The following GALNT2 variants were observed in gnomAD, a reference collection of about 807,000 sequenced individuals.
GALNT2 encodes the protein polypeptide N-acetylgalactosaminyltransferase 2, also known as UDP-GalNAc:polypeptide N-acetylgalactosaminyltransferase 2.
In GALNT2, 31 loss-of-function variants were observed where a neutral mutation model predicts 81.4. The observed-to-expected ratio is 0.38, with a 90% CI of 0.29 to 0.51. The LOEUF (loss-of-function observed/expected upper bound fraction) is 0.51, where lower values mean the gene tolerates loss of function less well. Among genes scored for constraint, GALNT2 ranks in the 20% least tolerant of loss-of-function variants. GALNT2 has a pLI of 0.87. For missense variants in GALNT2, 629 were observed against 765.7 expected (o/e 0.82, Z 2.11); for synonymous variants, 303 against 287.4 (o/e 1.05, Z -0.55).
rs1028277396 is a variant in GALNT2 at position 230,168,666 on chromosome 1, G to A, written c.127-9552G>A. Among the ~76,000 whole-genome samples the A allele has an allele frequency of 4.6e-5, 7 of 152,130 alleles. No individual in the cohort carries two copies. In the East Asian group the frequency reaches 7.7e-4, roughly 17 times the overall value. On this transcript the variant is annotated intron_variant, in intron 1 of 15. Coordinates refer to ENST00000366672, the MANE Select transcript of GALNT2 (RefSeq NM_004481.5). ...TCCCTTTAGGTAAATAGGATTATGC[G>A]CACATTTTTGTAATTTTTTACAATT...
intron 1 of GALNT2, among the ~76,000 whole-genome samples, chr1:230,105,776 T>C (rs1195399723): frequency 3.3e-5 from 5 of 152,210 alleles, no homozygotes; most frequent in Non-Finnish European, 7.3e-5. Flanking sequence ...AGCATGATTA[T>C]ATCCATTATA....
chr1:230,127,285 C>T (rs559461024), intron 1 of GALNT2, among the ~76,000 whole-genome samples: 2 of 152,076 alleles, frequency 1.3e-5, no homozygotes, highest in African/African-American at 4.8e-5. Flanking sequence ...GTGAGCCCCG[C>T]CTGAGCTGGT....
chr1:230,112,670 C>A (rs976044092), intron 1 of GALNT2, among the ~76,000 whole-genome samples: 14 of 151,782 alleles, frequency 9.2e-5, no homozygotes, highest in Admixed American at 7.9e-4. Flanking sequence ...ATGAGGATGG[C>A]GAAGGGAGGA....
At chr1:230,165,793 G>C (rs1452758524) in intron 1 of GALNT2, among the ~76,000 whole-genome samples, 1 of 152,126 alleles carries the variant, frequency 6.6e-6, no homozygotes, top group Non-Finnish European at 1.5e-5. Flanking sequence ...AGGGAGGGAG[G>C]CCCTCGGAGT....
At position 230,067,396 on chromosome 1, in the gene GALNT2, C is replaced by A; in HGVS notation, c.116C>A (p.Ala39Asp). The part of the protein sequence containing the change: ...SALAGGAGGG[A>D]GRKEDWNEID... ...CTGGCCGGGGGCGCGGGCGGCGGCG[C>A]CGGCAGGAAGGTGAGTGGAGCGCCC... The change falls in exon 1 of 16, where the codon GCC (alanine) becomes GAC (aspartate). Residue 39 changes from alanine to aspartate, a missense_variant. By Grantham distance (126) the Ala-to-Asp change is moderately radical. Around this residue, in one of 3 missense-constraint regions of GALNT2, gnomAD observed 360 missense variants for 492.8 expected, o/e 0.73. Coordinates refer to ENST00000366672, the MANE Select transcript of GALNT2 (RefSeq NM_004481.5). The A allele has an allele frequency of 8.0e-7, 1 of 1,253,002 alleles. No individual in the cohort carries two copies. Among genetic ancestry groups the A allele is most frequent in the Non-Finnish European group, 1.0e-6 (1 of 991,760 alleles). 77.6% of individuals were successfully genotyped at this position (1,253,002 alleles called of 1,614,324 possible).
intron 3 of GALNT2, among the ~76,000 whole-genome samples, chr1:230,223,191 C>CTTTT (rs68127660): frequency 4.3e-5 from 6 of 139,214 alleles, no homozygotes; most frequent in Admixed American, 3.6e-4. Flanking sequence ...TTTTTCTTTT[C>CTTTT]TTTTTTTTTT....
intron 3 of GALNT2, among the ~76,000 whole-genome samples, chr1:230,216,935 A>G (rs12120720): frequency 0.22 from 32,856 of 152,222 alleles, 4,521 homozygotes; most frequent in Middle Eastern, 0.32. Flanking sequence ...AAATATCCCA[A>G]TAGGAATATT....
chr1:230,150,661 A>G (rs1206978193), intron 1 of GALNT2, among the ~76,000 whole-genome samples: 5 of 152,220 alleles, frequency 3.3e-5, no homozygotes, highest in Non-Finnish European at 7.3e-5. Context: ...AATTCTGTCT[A>G]AGACACCTTT....
intron 1 of GALNT2, among the ~76,000 whole-genome samples, chr1:230,156,659 G>A (rs1365935556): frequency 6.6e-6 from 1 of 152,150 alleles, no homozygotes; most frequent in African/African-American, 2.4e-5. Context: ...TAATGCAGGG[G>A]CAGAATGTAA....
chr1:230,062,985 C>T (rs984206616), upstream of GALNT2, among the ~76,000 whole-genome samples: 1 of 152,092 alleles, frequency 6.6e-6, no homozygotes, highest in Non-Finnish European at 1.5e-5. Context: ...ACATCCTCAC[C>T]AACACTTGTT....
At chr1:230,186,367 A>C (rs977036459) in intron 2 of GALNT2, among the ~76,000 whole-genome samples, 2 of 152,192 alleles carry the variant, frequency 1.3e-5, no homozygotes, top group African/African-American at 4.8e-5. Flanking sequence ...TTGTGTGTTA[A>C]GTCGGCCTCC....
chr1:230,263,207 G>T, intron 13 of GALNT2: 1 of 575,728 alleles, frequency 1.7e-6, no homozygotes, highest in South Asian at 2.1e-5. Flanking sequence ...CTGTCCTGCA[G>T]AGCTGCCCTC....
At chr1:230,092,185 T>TTTTG (rs1660110326) in intron 1 of GALNT2, among the ~76,000 whole-genome samples, 2 of 114,286 alleles carry the variant, frequency 1.7e-5, no homozygotes, top group African/African-American at 3.2e-5. Context: ...AGTTTTTTTT[T>TTTTG]TTTTTTTTTT....
chr1:230,279,293 T>TGG lies in GALNT2; in HGVS notation c.1561-9_1561-8insGG. ...GCCCACACTCTAAGGCACTCTCCTG[T>TGG]GTCTTGCAGAAATGGGAACAGATCG... On this transcript the variant is annotated splice_polypyrimidine_tract_variant and intron_variant, in intron 15 of 15. Coordinates refer to ENST00000366672, the MANE Select transcript of GALNT2 (RefSeq NM_004481.5). The surrounding 1 kb of genome is among the most constrained non-coding windows in gnomAD (Gnocchi z 4.6). 1.2e-6 allele frequency: 2 copies of TGG among 1,612,980 alleles called. No homozygotes were observed. The highest frequency in any genetic ancestry group is 1.7e-6 in the Non-Finnish European group (2 of 1,179,240).
At chr1:230,218,771 G>A (rs914127663) in intron 3 of GALNT2, among the ~76,000 whole-genome samples, 1 of 151,906 alleles carries the variant, frequency 6.6e-6, no homozygotes, top group African/African-American at 2.4e-5. Flanking sequence ...GGTATTTCTG[G>A]TTACCAAAAT....
intron 15 of GALNT2, among the ~76,000 whole-genome samples, chr1:230,277,575 A>G (rs1231552415): frequency 6.6e-6 from 1 of 152,248 alleles, no homozygotes. Flanking sequence ...AATGACAGGC[A>G]CTTAGCAAAA....
intron 1 of GALNT2, among the ~76,000 whole-genome samples, chr1:230,172,237 A>G (rs1195350400): frequency 1.3e-5 from 2 of 151,864 alleles, no homozygotes; most frequent in Non-Finnish European, 2.9e-5. Flanking sequence ...CCTCATATTC[A>G]CTGGGGAAGC....
chr1:230,180,285 G>A (rs1663115916), intron 2 of GALNT2, among the ~76,000 whole-genome samples: 1 of 140,126 alleles, frequency 7.1e-6, no homozygotes, highest in South Asian at 2.3e-4. Context: ...TGTAAGAGCT[G>A]TGTCTAGGTT....
Position 230,070,154 on chromosome 1 carries a change from G to T in GALNT2, c.126+2748G>T, listed in dbSNP as rs1035156523. Among the ~76,000 whole-genome samples the T allele has an allele frequency of 1.3e-5, 2 of 152,182 alleles. No homozygotes were observed. Among genetic ancestry groups the T allele is most frequent in the Admixed American group, 6.5e-5 (1 of 15,288 alleles). On this transcript the variant is annotated intron_variant, in intron 1 of 15. Transcript: ENST00000366672. The surrounding 1 kb of genome is among the most constrained non-coding windows in gnomAD (Gnocchi z 4.7). The stretch of plus-strand genomic sequence containing the variant: ...TCTCAGGCACTGCCGCACAACTCGG[G>T]ACTCAACACCCAGGCTCAGGACATG...
Sources: allele counts gnomAD v4.1 joint callset (sites outside exome capture counted in the v4.1 genomes callset), GRCh38; gene constraint gnomAD v4.1.1; regional missense constraint gnomAD v4.1.1; non-coding constraint Gnocchi (gnomAD v3.1); transcripts MANE v1.5; gene names NCBI Gene and HGNC (gene_info 2026-07-23, HGNC 2026-07-21).